The following SGCD variants were observed in gnomAD, a reference collection of about 807,000 sequenced individuals.
The protein encoded by SGCD is sarcoglycan delta, also known as delta-sarcoglycan.
Under a neutral mutation model 36.6 loss-of-function variants are expected in SGCD, and 18 were observed. That is an observed-to-expected ratio of 0.49 (90% CI 0.34 to 0.73). SGCD has a LOEUF of 0.73. Among genes scored for constraint, SGCD ranks in the 30% least tolerant of loss-of-function variants. The probability of loss-of-function intolerance (pLI) is 0.01; values close to 1 mark genes in which losing one functional copy is unlikely to be tolerated. For synonymous variants in SGCD, 133 were observed against 130.6 expected (o/e 1.02, Z -0.12); for missense variants, 387 against 346.7 (o/e 1.12, Z -0.92).
intron 1 of SGCD, among the ~76,000 whole-genome samples, chr5:156,043,460 A>G (rs530085062): frequency 6.6e-6 from 1 of 152,222 alleles, no homozygotes. Flanking sequence ...GGTTTGGCAA[A>G]ATTTCACCTC....
At chr5:156,571,371 T>C (rs1349589784) in intron 4 of SGCD, among the ~76,000 whole-genome samples, 1 of 146,512 alleles carries the variant, frequency 6.8e-6, no homozygotes. Flanking sequence ...TTTAAACATA[T>C]TTTTTTTGGT....
the SGCD span, among the ~76,000 whole-genome samples, chr5:155,779,306 T>C: frequency 6.6e-6 from 1 of 152,030 alleles, no homozygotes; most frequent in South Asian, 2.1e-4. Flanking sequence ...TGTGTGATGG[T>C]GCATTCCTGT....
intron 1 of SGCD, among the ~76,000 whole-genome samples, chr5:156,069,496 T>C (rs1454862930): frequency 2.0e-5 from 3 of 152,220 alleles, no homozygotes; most frequent in Middle Eastern, 3.4e-3. Flanking sequence ...TCCATTTTGG[T>C]ACCAGTACCG....
chr5:156,744,001 T>C (rs1032714846), intron 7 of SGCD, among the ~76,000 whole-genome samples: 2 of 152,186 alleles, frequency 1.3e-5, no homozygotes, highest in Non-Finnish European at 2.9e-5. Context: ...CTGAGTACAA[T>C]GTGTTCAAGC....
At chr5:156,211,293 A>T (rs1764435020) in intron 3 of SGCD, among the ~76,000 whole-genome samples, 1 of 152,184 alleles carries the variant, frequency 6.6e-6, no homozygotes, top group Non-Finnish European at 1.5e-5. Context: ...CAGTCTTAGA[A>T]GAAAGGCTAA....
chr5:156,303,207 C>T (rs1459399828), intron 3 of SGCD, among the ~76,000 whole-genome samples: 2 of 152,162 alleles, frequency 1.3e-5, no homozygotes, highest in African/African-American at 4.8e-5. Flanking sequence ...GTCCTTCCCA[C>T]TCTTCCCTCC....
At chr5:156,072,017 T>G (rs758206302) in intron 1 of SGCD, among the ~76,000 whole-genome samples, 1 of 152,224 alleles carries the variant, frequency 6.6e-6, no homozygotes, top group Non-Finnish European at 1.5e-5. Flanking sequence ...TTTGTGCCTA[T>G]GTGCGTCTCT....
intron 1 of SGCD, among the ~76,000 whole-genome samples, chr5:156,093,823 A>G (rs1052988998): frequency 2.0e-5 from 3 of 152,194 alleles, no homozygotes; most frequent in East Asian, 1.9e-4. Flanking sequence ...GCAAAAATAC[A>G]TTCAAAGAGG....
At chr5:156,227,067 C>G (rs749407354) in intron 3 of SGCD, among the ~76,000 whole-genome samples, 23 of 152,026 alleles carry the variant, frequency 1.5e-4, no homozygotes, top group Admixed American at 1.2e-3. Flanking sequence ...ATTCTGCTGA[C>G]GGTTCTTTTG....
chr5:156,122,726 T>C (rs1302698737), intron 2 of SGCD, among the ~76,000 whole-genome samples: 1 of 150,324 alleles, frequency 6.7e-6, no homozygotes, highest in Non-Finnish European at 1.5e-5. Context: ...AGCAGGGGAG[T>C]GTCATTCTCT....
chr5:156,455,289 C>A (rs1017042117), intron 3 of SGCD, among the ~76,000 whole-genome samples: 1 of 152,124 alleles, frequency 6.6e-6, no homozygotes, highest in Non-Finnish European at 1.5e-5. Context: ...CAGTCAAGGA[C>A]GCAGGGTCCC....
chr5:155,818,448 TAGG>T, the SGCD span, among the ~76,000 whole-genome samples: 1 of 152,042 alleles, frequency 6.6e-6, no homozygotes, highest in African/African-American at 2.4e-5. Context: ...GAAATCATCG[TAGG>T]AGAGGAGAGG....
intron 1 of SGCD, among the ~76,000 whole-genome samples, chr5:155,936,682 C>T (rs1317344122): frequency 1.3e-5 from 2 of 152,212 alleles, no homozygotes; most frequent in African/African-American, 4.8e-5. Flanking sequence ...ACTGGCAGTC[C>T]GGCCCCCAGG....
At chr5:155,821,503 T>C in the SGCD span, among the ~76,000 whole-genome samples, 1 of 152,084 alleles carries the variant, frequency 6.6e-6, no homozygotes, top group Non-Finnish European at 1.5e-5. Flanking sequence ...TTAGTAGAGA[T>C]GGGGTTTCAC....
intron 3 of SGCD, among the ~76,000 whole-genome samples, chr5:156,228,345 G>A (rs1764909312): frequency 1.3e-5 from 2 of 152,132 alleles, no homozygotes; most frequent in Admixed American, 1.3e-4. Context: ...TATATGTTTA[G>A]GAATGTGATA....
intron 3 of SGCD, among the ~76,000 whole-genome samples, chr5:156,250,784 C>T (rs1051243967): frequency 3.3e-5 from 5 of 152,074 alleles, no homozygotes; most frequent in African/African-American, 4.8e-5. Flanking sequence ...AAAAGTCCTT[C>T]GTTTGGAGTC....
At chr5:156,605,009 T>C (rs1161067424) in intron 6 of SGCD, among the ~76,000 whole-genome samples, 1 of 151,756 alleles carries the variant, frequency 6.6e-6, no homozygotes, top group Non-Finnish European at 1.5e-5. Context: ...GTATTTTGAG[T>C]TTGATTATGA....
intron 3 of SGCD, among the ~76,000 whole-genome samples, chr5:156,489,066 G>A (rs568577224): frequency 1.4e-4 from 21 of 152,186 alleles, no homozygotes; most frequent in Non-Finnish European, 2.8e-4. Context: ...AAAAGAAGCA[G>A]GGGTAGCTTT....
chr5:156,432,411 C>T (rs1367555547), intron 3 of SGCD, among the ~76,000 whole-genome samples: 3 of 152,128 alleles, frequency 2.0e-5, no homozygotes, highest in Non-Finnish European at 2.9e-5. Context: ...CAGGAGGTGG[C>T]GTTTGCAAGA....
Sources: allele counts gnomAD v4.1 joint callset (sites outside exome capture counted in the v4.1 genomes callset), GRCh38; gene constraint gnomAD v4.1.1; transcripts MANE v1.5; gene names NCBI Gene and HGNC (gene_info 2026-07-23, HGNC 2026-07-21).